The following CNTN6 variants were observed in gnomAD, a reference collection of about 807,000 sequenced individuals.
CNTN6 encodes the protein contactin 6.
In CNTN6, 137 loss-of-function variants were observed where a neutral mutation model predicts 122.8. That is an observed-to-expected ratio of 1.12 (90% confidence interval 0.97 to 1.29). CNTN6 has a LOEUF of 1.29. CNTN6 is among the 50% of genes most tolerant of loss of function. The probability of loss-of-function intolerance (pLI) is 0.00; values close to 1 mark genes in which losing one functional copy is unlikely to be tolerated. For synonymous variants in CNTN6, 570 were observed against 426.0 expected (o/e 1.34, Z -4.16); for missense variants, 1,634 against 1,223.4 (o/e 1.34, Z -5.01).
At chr3:1,139,632 A>G (rs2092563831) in intron 1 of CNTN6, among the ~76,000 whole-genome samples, 1 of 152,206 alleles carries the variant, frequency 6.6e-6, no homozygotes, top group African/African-American at 2.4e-5. Flanking sequence ...TAATTGAACA[A>G]TGAACAATTC....
At chr3:1,241,108 A>G (rs1039231252) in intron 4 of CNTN6, among the ~76,000 whole-genome samples, 2 of 152,088 alleles carry the variant, frequency 1.3e-5, no homozygotes, top group Admixed American at 1.3e-4. Flanking sequence ...ACAAATCACA[A>G]TGGTGGAATG....
At chr3:1,283,215 A>G (rs1270349171) in intron 5 of CNTN6, among the ~76,000 whole-genome samples, 2 of 152,170 alleles carry the variant, frequency 1.3e-5, no homozygotes, top group Admixed American at 6.5e-5. Flanking sequence ...TCGGCTTCCC[A>G]AAGTCCTGGG....
At chr3:1,151,034 C>T (rs1197640917) in intron 2 of CNTN6, among the ~76,000 whole-genome samples, 1 of 152,152 alleles carries the variant, frequency 6.6e-6, no homozygotes, top group African/African-American at 2.4e-5. Context: ...TATCTGTGGA[C>T]TGAGCATGGC....
chr3:1,382,252 A>C (rs1410486068), intron 17 of CNTN6, among the ~76,000 whole-genome samples: 2 of 152,194 alleles, frequency 1.3e-5, no homozygotes, highest in African/African-American at 4.8e-5. Flanking sequence ...GTGATTGTTT[A>C]CAATTTTTAG....
intron 17 of CNTN6, among the ~76,000 whole-genome samples, chr3:1,379,183 A>G (rs906944522): frequency 8.1e-6 from 1 of 123,968 alleles, no homozygotes; most frequent in East Asian, 2.0e-4. Flanking sequence ...AGCATGAATT[A>G]CCAAAGAATA....
chr3:1,120,082 G>C (rs899399455), intron 1 of CNTN6, among the ~76,000 whole-genome samples: 2 of 151,662 alleles, frequency 1.3e-5, no homozygotes, highest in African/African-American at 4.8e-5. Context: ...TTGCTGAGTA[G>C]TATTCCATAT....
intron 1 of CNTN6, among the ~76,000 whole-genome samples, chr3:1,142,106 A>G (rs1036005524): frequency 1.3e-5 from 2 of 151,776 alleles, no homozygotes; most frequent in Non-Finnish European, 2.9e-5. Flanking sequence ...TCCAGCCATT[A>G]TTTGACTTAC....
chr3:1,114,846 G>A (rs1453297511), intron 1 of CNTN6, among the ~76,000 whole-genome samples: 1 of 152,104 alleles, frequency 6.6e-6, no homozygotes, highest in East Asian at 1.9e-4. Context: ...TCACACTAAA[G>A]TGCTTTCAAA....
chr3:1,356,753 A>G (rs1035458801), intron 12 of CNTN6, among the ~76,000 whole-genome samples: 10 of 151,930 alleles, frequency 6.6e-5, no homozygotes, highest in African/African-American at 1.9e-4. Context: ...GACTGAAAGC[A>G]TTTCAACAGA....
chr3:1,213,676 G>A (rs1039724902), intron 2 of CNTN6, among the ~76,000 whole-genome samples: 3 of 151,704 alleles, frequency 2.0e-5, no homozygotes, highest in African/African-American at 7.3e-5. Flanking sequence ...ATAGATAATA[G>A]CATAGAAGAA....
At position 1,316,990 on chromosome 3, in the gene CNTN6, A is replaced by G. The variant is rs754688768; in HGVS notation, c.762-4660A>G. On this transcript the variant is annotated intron_variant, in intron 7 of 22. Coordinates refer to ENST00000446702, the MANE Select transcript of CNTN6 (RefSeq NM_001289080.2). ...TTTAAATAACCTGTGTTTTGCATTT[A>G]TTCTTTCTGCCTCTGTACCTTACAT... is the stretch of plus-strand genomic sequence containing the variant. 5.2e-4 allele frequency among the ~76,000 whole-genome samples: 79 copies of G among 151,928 alleles called. 1 individual carries two copies. Among genetic ancestry groups the G allele is most frequent in the Admixed American group, 3.3e-4 (5 of 15,200 alleles).
intron 2 of CNTN6, among the ~76,000 whole-genome samples, chr3:1,182,781 A>C (rs1159027079): frequency 6.6e-6 from 1 of 152,118 alleles, no homozygotes; most frequent in Non-Finnish European, 1.5e-5. Context: ...AATACAATTG[A>C]AATGTTTATC....
At chr3:1,355,226 TA>T (rs1706357252) in intron 12 of CNTN6, among the ~76,000 whole-genome samples, 1 of 151,656 alleles carries the variant, frequency 6.6e-6, no homozygotes, top group African/African-American at 2.4e-5. Context: ...TGTACATACT[TA>T]ACCACACAAA....
chr3:1,321,806 C>A lies in CNTN6; in HGVS notation c.918C>A (p.Asn306Lys), dbSNP rs1700896903. 3 of 1,608,066 alleles carry A rather than the reference C, an allele frequency of 1.9e-6. No homozygotes were observed. The highest frequency in any genetic ancestry group is 1.7e-5 in the Admixed American group (1 of 59,248). Residue 306 changes from asparagine (N) to lysine (K), a missense_variant, in exon 8 of 23, where the codon AAC becomes AAA. Transcript: ENST00000446702. ...TTGCAAGCAACCTTCGAGGAAGAAA[C>A]CTTGCAAAGGGTCAACTCATTTTTT... ...ECIASNLRGR[N>K]LAKGQLIFYA... is the part of the protein sequence containing the mutation.
chr3:1,102,770 AAAT>A (rs1165917868), intron 1 of CNTN6, among the ~76,000 whole-genome samples: 1 of 149,374 alleles, frequency 6.7e-6, no homozygotes, highest in Non-Finnish European at 1.5e-5. Context: ...ACATGCATTA[AAAT>A]AATAGGTAGG....
At chr3:1,326,798 TTC>T (rs1478609328) in intron 9 of CNTN6, among the ~76,000 whole-genome samples, 7 of 151,922 alleles carry the variant, frequency 4.6e-5, no homozygotes, top group African/African-American at 9.7e-5. Context: ...GCATATAGCA[TTC>T]TGTTTCCTCC....
At chr3:1,236,066 C>T (rs2094417675) in intron 4 of CNTN6, among the ~76,000 whole-genome samples, 1 of 152,044 alleles carries the variant, frequency 6.6e-6, no homozygotes, top group Admixed American at 6.5e-5. Flanking sequence ...GCAAGCCCCA[C>T]CCAAGGAGAG....
intron 20 of CNTN6, among the ~76,000 whole-genome samples, chr3:1,395,897 G>A (rs1045931922): frequency 2.6e-5 from 4 of 152,102 alleles, no homozygotes; most frequent in South Asian, 2.1e-4. Flanking sequence ...GCTTAGAAAG[G>A]TTTTGTCATG....
At position 1,372,515 on chromosome 3, in the gene CNTN6, A is replaced by T. The variant is rs748753914; in HGVS notation, c.1668+41A>T. The T allele has an allele frequency of 2.7e-6, 4 of 1,494,520 alleles. No homozygotes were observed. The Admixed American group carries it at 8.3e-5, about 31-fold the overall frequency. 92.6% of individuals were successfully genotyped at this position (1,494,520 alleles called of 1,614,324 possible). A position where few individuals can be genotyped will look rare whatever the true frequency, so the allele number is the denominator to read the frequency against. ...TGTTAAGTGCTTAATAAAATGAATCAAGTCTTTTACATGAATCACCATTTT... is the reference window on the plus strand; with the variant it reads ...TGTTAAGTGCTTAATAAAATGAATCTAGTCTTTTACATGAATCACCATTTT... On this transcript the variant is annotated intron_variant, in intron 13 of 22. Transcript: ENST00000446702.
Sources: allele counts gnomAD v4.1 joint callset (sites outside exome capture counted in the v4.1 genomes callset), GRCh38; gene constraint gnomAD v4.1.1; transcripts MANE v1.5; gene names NCBI Gene and HGNC (gene_info 2026-07-23, HGNC 2026-07-21).